Variants in FAT3 observed in about 807,000 individuals in gnomAD.
The protein encoded by FAT3 is FAT atypical cadherin 3.
Under a neutral mutation model 310.2 loss-of-function variants are expected in FAT3, and 95 were observed. That is an observed-to-expected ratio of 0.31 (90% CI 0.26 to 0.36). The LOEUF (loss-of-function observed/expected upper bound fraction) is 0.36, where lower values mean the gene tolerates loss of function less well. Ranked by LOEUF, FAT3 falls within the 10% of genes least tolerant of loss-of-function variation. The pLI is 1.00. For missense variants in FAT3, 5,408 were observed against 5,715.6 expected, an observed-to-expected ratio of 0.95 and a Z score of 1.74; for synonymous variants, 2,314 against 2,192.9, an observed-to-expected ratio of 1.06 and a Z score of -1.54.
rs544610608 is a variant in FAT3, at chr11:92,771,541, A to C, written c.4196-2500A>C. ...TTTTACATTAAATCTTAGTTTAACT[A>C]GGAGCAAATGTCCTGGAAATGAGTG... On this transcript the variant is annotated intron_variant, in intron 6 of 27. Coordinates refer to ENST00000525166, the MANE Select transcript of FAT3 (RefSeq NM_001367949.2). Among the ~76,000 whole-genome samples the C allele has an allele frequency of 3.3e-4, 51 of 152,312 alleles. 2 individuals carry two copies. The East Asian group carries it at 4.6e-3, about 14-fold the overall frequency.
chr11:92,785,495 A>G (rs924626330), intron 7 of FAT3, among the ~76,000 whole-genome samples: 2 of 152,188 alleles, frequency 1.3e-5, no homozygotes, highest in Non-Finnish European at 2.9e-5. Context: ...ACTGAAAGGA[A>G]AAACTTCTAT....
chr11:92,733,364 G>C (rs551249618), intron 4 of FAT3, among the ~76,000 whole-genome samples: 5 of 151,694 alleles, frequency 3.3e-5, no homozygotes, highest in Non-Finnish European at 7.4e-5. Context: ...GGTAATATGA[G>C]GCAAGACTGT....
Position 92,588,047 on chromosome 11 carries a change from C to T in FAT3, c.3607+63099C>T, listed in dbSNP as rs546750887. ...CTGAGTCTTCTAAAGACTTTCAGGTCTTTAGGTAGTCTGCCTCCCACCTTG... is the reference window on the plus strand; with the variant it reads ...CTGAGTCTTCTAAAGACTTTCAGGTTTTTAGGTAGTCTGCCTCCCACCTTG... On this transcript the variant is annotated intron_variant, in intron 3 of 27. Transcript: ENST00000525166. Among the ~76,000 whole-genome samples the T allele has an allele frequency of 3.9e-5, 6 of 152,032 alleles. No homozygotes were observed. The South Asian group carries it at 1.2e-3, about 32-fold the overall frequency.
At chr11:92,409,347 C>G (rs1198037105) in intron 2 of FAT3, among the ~76,000 whole-genome samples, 1 of 152,064 alleles carries the variant, frequency 6.6e-6, no homozygotes, top group East Asian at 1.9e-4. Flanking sequence ...ATATTTTTCT[C>G]CCTTTGTACT....
At chr11:92,434,463 C>T (rs1351936083) in intron 2 of FAT3, among the ~76,000 whole-genome samples, 1 of 152,140 alleles carries the variant, frequency 6.6e-6, no homozygotes, top group African/African-American at 2.4e-5. Context: ...TGTGGTGAGG[C>T]AAGCTTGTCC....
intron 2 of FAT3, among the ~76,000 whole-genome samples, chr11:92,408,670 C>G (rs964284099): frequency 2.6e-5 from 4 of 152,164 alleles, no homozygotes; most frequent in African/African-American, 7.2e-5. Flanking sequence ...TGGGACTCCT[C>G]TTAGTGATAA....
intron 2 of FAT3, among the ~76,000 whole-genome samples, chr11:92,443,957 C>T (rs1951145823): frequency 6.6e-6 from 1 of 152,106 alleles, no homozygotes; most frequent in Non-Finnish European, 1.5e-5. Context: ...AGTGGGAGAA[C>T]TGATATCACA....
In FAT3 at chr11:92,352,769, A is replaced by G. The variant is rs1948602540; in HGVS notation, c.657A>G (p.Leu219=). The change falls in exon 2 of 28, where the codon TTA becomes TTG. Residue 219 remains leucine (L), a synonymous_variant. Transcript: ENST00000525166. ...GTGTCATCTCCTTAAGTGGTCGATTAAATTATGATGAAAAGAATAGGTATG... is the reference window on the plus strand; with the variant it reads ...GTGTCATCTCCTTAAGTGGTCGATTGAATTATGATGAAAAGAATAGGTATG... ...TSGVISLSGR[L]NYDEKNRYDL... is the part of the protein sequence containing the mutation. 1.2e-6 allele frequency: 2 copies of G among 1,613,752 alleles called. No homozygotes were observed. The highest frequency in any genetic ancestry group is 1.1e-5 in the South Asian group (1 of 91,086).
intron 1 of FAT3, among the ~76,000 whole-genome samples, chr11:92,291,312 T>C (rs892398191): frequency 2.6e-5 from 4 of 152,072 alleles, no homozygotes; most frequent in Non-Finnish European, 5.9e-5. Flanking sequence ...GGGATCTTTC[T>C]CTCCTTCTTC....
intron 3 of FAT3, among the ~76,000 whole-genome samples, chr11:92,526,225 G>A (rs973155739): frequency 5.9e-5 from 9 of 152,182 alleles, no homozygotes; most frequent in African/African-American, 1.9e-4. Context: ...TTCCTGGGAA[G>A]CCCTCCTGAT....
chr11:92,837,800 G>A lies in FAT3; in HGVS notation c.10362G>A (p.Val3454=). 6.2e-7 allele frequency: 1 copy of A among 1,613,948 alleles called. No homozygotes were observed. Among genetic ancestry groups the A allele is most frequent in the Non-Finnish European group, 8.5e-7 (1 of 1,179,876 alleles). ...PVFTPANYTA[V]IQENKPVGTS... ...TTACACCTGCCAACTATACTGCTGT[G>A]ATTCAGGTGAGAAAATCTTGCCTGC... Residue 3454 remains valine, a synonymous_variant, in exon 17 of 28, where the codon GTG becomes GTA. Coordinates refer to ENST00000525166, the MANE Select transcript of FAT3 (RefSeq NM_001367949.2).
intron 1 of FAT3, among the ~76,000 whole-genome samples, chr11:92,347,173 A>C (rs1238649688): frequency 6.6e-6 from 1 of 152,168 alleles, no homozygotes; most frequent in Admixed American, 6.5e-5. Context: ...TCAAGTGCCA[A>C]GGTGCATGTT....
chr11:92,503,158 G>T (rs1277960780), intron 2 of FAT3, among the ~76,000 whole-genome samples: 1 of 152,076 alleles, frequency 6.6e-6, no homozygotes, highest in African/African-American at 2.4e-5. Context: ...GCTGCTAGCA[G>T]TTTCAGAGTG....
chr11:92,352,514 A>G lies in FAT3; in HGVS notation c.402A>G (p.Arg134=), dbSNP rs1402108442. 4 of 1,613,320 alleles carry G rather than the reference A, an allele frequency of 2.5e-6. No homozygotes were observed. In the African/African-American group the frequency reaches 4.0e-5, roughly 16 times the overall value. ...TATTGATAGTAAAAGGTTCTGTCAGAGGAGAGGATTTGGAAGCATGGACCA... is the reference window on the plus strand; with the variant it reads ...TATTGATAGTAAAAGGTTCTGTCAGGGGAGAGGATTTGGAAGCATGGACCA... ...NYLLIVKGSV[R]GEDLEAWTKV... Residue 134 remains arginine, a synonymous_variant, in exon 2 of 28, where the codon AGA becomes AGG. Coordinates refer to ENST00000525166, the MANE Select transcript of FAT3 (RefSeq NM_001367949.2).
At chr11:92,738,105 T>A (rs951963337) in intron 4 of FAT3, among the ~76,000 whole-genome samples, 2 of 152,210 alleles carry the variant, frequency 1.3e-5, no homozygotes, top group South Asian at 2.1e-4. Context: ...GAATTAAAGG[T>A]CTTAAGGTTA....
At chr11:92,450,653 G>T (rs181524065) in intron 2 of FAT3, among the ~76,000 whole-genome samples, 3 of 152,260 alleles carry the variant, frequency 2.0e-5, no homozygotes, top group African/African-American at 7.2e-5. Context: ...ATCTCAATCA[G>T]GTGAATCAGA....
chr11:92,457,083 G>A (rs1408773235), intron 2 of FAT3, among the ~76,000 whole-genome samples: 2 of 152,120 alleles, frequency 1.3e-5, no homozygotes, highest in African/African-American at 2.4e-5. Context: ...GCATAGCCAA[G>A]GTAAGCCAAA....
intron 10 of FAT3, 52 bp downstream of exon 10, chr11:92,801,961 T>C: frequency 6.6e-7 from 1 of 1,521,678 alleles, no homozygotes; most frequent in Non-Finnish European, 9.0e-7. Flanking sequence ...TAAAGAAAGA[T>C]GGAAGATGGC....
intron 3 of FAT3, among the ~76,000 whole-genome samples, chr11:92,666,363 T>C (rs1002496928): frequency 5.9e-5 from 9 of 151,610 alleles, no homozygotes; most frequent in African/African-American, 2.2e-4. Context: ...ATTTTTTTTT[T>C]TTTTTTGAGA....
Sources: gnomAD v4.1 joint callset for allele counts (sites outside exome capture counted in the v4.1 genomes callset) on GRCh38, gnomAD v4.1.1 for gene constraint, MANE v1.5 for transcripts, NCBI Gene and HGNC (gene_info 2026-07-23, HGNC 2026-07-21) for gene names.